The following CECR2 variants were observed in gnomAD, a reference collection of about 807,000 sequenced individuals.
The protein encoded by CECR2 is CECR2 histone acetyl-lysine reader, also known as chromatin remodeling regulator CECR2.
CECR2 carries 30 observed loss-of-function variants against 154.5 expected under a neutral mutation model. The ratio of observed to expected loss-of-function variants is 0.19; its 90% CI spans 0.15 to 0.26. The LOEUF is 0.26. Among genes scored for constraint, CECR2 ranks in the 10% least tolerant of loss-of-function variants. The pLI is 1.00. For synonymous variants in CECR2, 725 were observed against 683.7 expected, an observed-to-expected ratio of 1.06 and a Z score of -0.94; for missense variants, 1,743 against 1,829.3, an observed-to-expected ratio of 0.95 and a Z score of 0.86.
intron 1 of CECR2, among the ~76,000 whole-genome samples, chr22:17,400,518 C>G (rs192662795): frequency 6.6e-6 from 1 of 152,170 alleles, no homozygotes; most frequent in Non-Finnish European, 1.5e-5. Context: ...TCCTTTTTCT[C>G]GTGAGTGATT....
chr22:17,526,540 A>G (rs1296779), intron 9 of CECR2, among the ~76,000 whole-genome samples: 27,302 of 152,094 alleles, frequency 0.18, 2,609 homozygotes, highest in Non-Finnish European at 0.2. Context: ...GCCGGGCGTG[A>G]CGACTTATGC....
intron 7 of CECR2, 70 bp downstream of exon 7, chr22:17,505,086 T>G: frequency 6.9e-7 from 1 of 1,455,116 alleles, no homozygotes; most frequent in Non-Finnish European, 9.3e-7. Flanking sequence ...GGATTATTCA[T>G]GAGACCTTCC....
Position 17,401,706 on chromosome 22 carries a change from G to A in CECR2, c.126+31797G>A, listed in dbSNP as rs150045664. 3.9e-4 allele frequency among the ~76,000 whole-genome samples: 60 copies of A among 152,126 alleles called. No individual in the cohort carries two copies. In the East Asian group the frequency reaches 0.011, roughly 27 times the overall value. The stretch of plus-strand genomic sequence containing the variant: ...TGAGGGATAGATAGTACTATAGTTT[G>A]TTTATTGAGTGCACCTATTGGCAAA... On this transcript the variant is annotated intron_variant, in intron 1 of 18. Coordinates refer to ENST00000262608, the MANE Select transcript of CECR2 (RefSeq NM_001290047.2).
chr22:17,448,835 GTTC>G (rs1248400938), intron 1 of CECR2, among the ~76,000 whole-genome samples: 4 of 151,974 alleles, frequency 2.6e-5, no homozygotes, highest in Admixed American at 2.0e-4. Context: ...CAGGCCTTCT[GTTC>G]TTCTTTCTCC....
rs190287822 is a variant in CECR2 at position 17,440,954 on chromosome 22, G to T, written c.127-36634G>T. Among the ~76,000 whole-genome samples the T allele has an allele frequency of 5.6e-3, 841 of 151,456 alleles. 21 individuals are homozygous for T. The highest frequency in any genetic ancestry group is 0.047 in the Admixed American group (712 of 15,144). ...GTCTTATTAACACTGTTTTTGGGGG[G>T]GAGGGGCAGGGGGCAGGGGGCGGGA... On this transcript the variant is annotated intron_variant, in intron 1 of 18. Transcript: ENST00000262608.
chr22:17,430,956 T>C (rs1254942577), intron 1 of CECR2, among the ~76,000 whole-genome samples: 1 of 152,226 alleles, frequency 6.6e-6, no homozygotes, highest in Non-Finnish European at 1.5e-5. Context: ...ATCACAACAG[T>C]GCCTCGTCTG....
At chr22:17,374,414 G>T (rs576050860) in intron 1 of CECR2, among the ~76,000 whole-genome samples, 1 of 152,158 alleles carries the variant, frequency 6.6e-6, no homozygotes, top group Non-Finnish European at 1.5e-5. Context: ...AAAGAAACTT[G>T]TAAGTACATC....
chr22:17,545,273 G>A (rs1325436123), intron 16 of CECR2, among the ~76,000 whole-genome samples: 1 of 150,764 alleles, frequency 6.6e-6, no homozygotes, highest in Non-Finnish European at 1.5e-5. Context: ...TACTTGGGAG[G>A]CTGGGTCATG....
chr22:17,446,788 G>A (rs1390909409), intron 1 of CECR2, among the ~76,000 whole-genome samples: 2 of 152,076 alleles, frequency 1.3e-5, no homozygotes, highest in African/African-American at 4.8e-5. Flanking sequence ...TATGAAGACC[G>A]AAAGAACAAA....
intron 1 of CECR2, among the ~76,000 whole-genome samples, chr22:17,422,211 G>A (rs999365082): frequency 6.6e-6 from 1 of 150,948 alleles, no homozygotes. Flanking sequence ...TTTTGTTTTT[G>A]TTTTGAGACG....
intron 1 of CECR2, among the ~76,000 whole-genome samples, chr22:17,436,434 G>T (rs2054508614): frequency 6.6e-6 from 1 of 152,228 alleles, no homozygotes; most frequent in Non-Finnish European, 1.5e-5. Context: ...ACGGAAGAAA[G>T]ACTTGGGTTG....
intron 16 of CECR2, 83 bp from the exon 17 acceptor site, chr22:17,548,062 AATC>A (rs1204139397): frequency 1.6e-6 from 2 of 1,255,924 alleles, no homozygotes; most frequent in African/African-American, 3.0e-5. Flanking sequence ...CATCCACCTT[AATC>A]TGACTCAGGC....
chr22:17,552,042 A>C lies in CECR2; in HGVS notation c.4289A>C (p.His1430Pro). Residue 1430 changes from histidine (H) to proline (P), a missense_variant, in exon 18 of 19, where the codon CAC becomes CCC. His to Pro is a moderately conservative substitution (Grantham distance 77). Coordinates refer to ENST00000262608, the MANE Select transcript of CECR2 (RefSeq NM_001290047.2). ...TCTCGTGGCTGTAGAATGCAGATGC[A>C]CCCGGTCCAGTCGCAGGCCTCGTTC... Reference protein sequence around the residue: ...EMYRPSGMQMHPVQSQASFPK... With the variant: ...EMYRPSGMQMPPVQSQASFPK... 1 of 1,613,842 alleles carries C rather than the reference A, an allele frequency of 6.2e-7. No homozygotes were observed. The highest frequency in any genetic ancestry group is 8.5e-7 in the Non-Finnish European group (1 of 1,179,852).
Position 17,537,231 on chromosome 22 carries a change from C to T in CECR2, c.1237C>T (p.Leu413Phe), listed in dbSNP as rs747578630. The T allele has an allele frequency of 2.5e-6, 4 of 1,613,770 alleles. No individual in the cohort carries two copies. In the East Asian group the frequency reaches 8.9e-5, roughly 36 times the overall value. The change falls in exon 10 of 19, where the codon CTC becomes TTC. Residue 413 changes from leucine (L) to phenylalanine (F), a missense_variant and splice_region_variant. Physicochemically the swap from Leu to Phe is conservative, Grantham distance 22. This residue lies in a region of CECR2 where 292 missense variants were observed against 301.2 expected (regional missense o/e 0.97). Coordinates refer to ENST00000262608, the MANE Select transcript of CECR2 (RefSeq NM_001290047.2). ...PMREEKKTKD[L>F]FELDDDFTAM... ...GAGAGAGGAAAAAAAGACTAAAGAC[C>T]TGTGAGTATTTAGTAACAACAACAA... is the stretch of plus-strand genomic sequence containing the variant.
intron 7 of CECR2, among the ~76,000 whole-genome samples, chr22:17,506,671 T>G (rs1250443198): frequency 6.6e-6 from 1 of 152,206 alleles, no homozygotes; most frequent in African/African-American, 2.4e-5. Flanking sequence ...TTGTTTGTTT[T>G]GAGACAGAGA....
Position 17,540,529 on chromosome 22 carries a change from G to A in CECR2, c.1613G>A (p.Arg538Gln), listed in dbSNP as rs753803451. ...EEFWIREDEK[R>Q]EKRRSRAGRS... ...TTTTGGATTCGAGAGGATGAAAAGC[G>A]GGAGAAAAGACGGAGTCGGGCTGGG... The change falls in exon 14 of 19, where the codon CGG (arginine) becomes CAG (glutamine). Residue 538 changes from arginine to glutamine, a missense_variant. This residue lies in a region of CECR2 where 103 missense variants were observed against 166.8 expected (regional missense o/e 0.62). Coordinates refer to ENST00000262608, the MANE Select transcript of CECR2 (RefSeq NM_001290047.2). The A allele has an allele frequency of 3.1e-6, 5 of 1,612,238 alleles. No individual in the cohort carries two copies. Among genetic ancestry groups the A allele is most frequent in the South Asian group, 1.1e-5 (1 of 90,700 alleles).
intron 2 of CECR2, among the ~76,000 whole-genome samples, chr22:17,491,124 T>G (rs2055521728): frequency 6.6e-6 from 1 of 152,234 alleles, no homozygotes; most frequent in African/African-American, 2.4e-5. Context: ...AGTTCATGGG[T>G]ATGTACGCAG....
chr22:17,446,843 C>A (rs537167855), intron 1 of CECR2, among the ~76,000 whole-genome samples: 3 of 152,192 alleles, frequency 2.0e-5, no homozygotes, highest in Admixed American at 6.5e-5. Flanking sequence ...GTGAGGTGGC[C>A]AGCTTTATTC....
chr22:17,396,593 G>T (rs973163560), intron 1 of CECR2, among the ~76,000 whole-genome samples: 1 of 152,212 alleles, frequency 6.6e-6, no homozygotes, highest in Non-Finnish European at 1.5e-5. Context: ...GAAATTTTAT[G>T]TAGAAACTGA....
Sources: gnomAD v4.1 joint callset for allele counts (sites outside exome capture counted in the v4.1 genomes callset) on GRCh38, gnomAD v4.1.1 for gene constraint, gnomAD v4.1.1 regional missense constraint, MANE v1.5 for transcripts, NCBI Gene and HGNC (gene_info 2026-07-23, HGNC 2026-07-21) for gene names.